Variants in TCF20 observed in about 807,000 individuals in gnomAD.
The protein encoded by TCF20 is transcription factor 20, also known as SPRE-binding protein.
A neutral mutation model predicts 148.6 loss-of-function variants in TCF20; 3 were observed. The ratio of observed to expected loss-of-function variants is 0.02; its 90% CI spans 0.01 to 0.05. The LOEUF is 0.05. Ranked by LOEUF, TCF20 falls within the 10% of genes least tolerant of loss-of-function variation. The pLI is 1.00. For synonymous variants in TCF20, 1,049 were observed against 909.5 expected, an observed-to-expected ratio of 1.15 and a Z score of -2.76; for missense variants, 2,350 against 2,429.3, an observed-to-expected ratio of 0.97 and a Z score of 0.69.
At chr22:42,236,357 C>T (rs1346945983) in intron 1 of TCF20, among the ~76,000 whole-genome samples, 1 of 152,144 alleles carries the variant, frequency 6.6e-6, no homozygotes, top group Non-Finnish European at 1.5e-5. Context: ...AGATCCCACA[C>T]CCTGGGATCT....
chr22:42,189,630 G>A (rs895459623), intron 2 of TCF20, among the ~76,000 whole-genome samples: 2 of 152,198 alleles, frequency 1.3e-5, no homozygotes, highest in East Asian at 1.9e-4. Context: ...TAAGACACGA[G>A]GAAGAGACTA....
At chr22:42,226,980 A>G (rs149734106) in intron 1 of TCF20, among the ~76,000 whole-genome samples, 168 of 152,260 alleles carry the variant, frequency 1.1e-3, no homozygotes, top group African/African-American at 3.9e-3. Flanking sequence ...TCTCAATAGG[A>G]TATTAAAAAA....
chr22:42,310,081 AAGGATGTGT>A (rs1000728882), intron 1 of TCF20, among the ~76,000 whole-genome samples: 11 of 152,336 alleles, frequency 7.2e-5, no homozygotes, highest in African/African-American at 2.6e-4. Context: ...GTGGACTTTG[AAGGATGTGT>A]AGGAGTTTAT....
chr22:42,199,367 A>C (rs1937824564), intron 2 of TCF20, among the ~76,000 whole-genome samples: 2 of 152,064 alleles, frequency 1.3e-5, no homozygotes, highest in African/African-American at 4.8e-5. Context: ...TTCACCATAG[A>C]GTCATGTGGT....
chr22:42,337,631 G>T (rs191603956), intron 1 of TCF20, among the ~76,000 whole-genome samples: 30 of 152,300 alleles, frequency 2.0e-4, no homozygotes, highest in Admixed American at 1.7e-3. Flanking sequence ...TCCTGCATCA[G>T]TCAGGACATT....
upstream of TCF20, among the ~76,000 whole-genome samples, chr22:42,272,787 G>A (rs978762338): frequency 1.3e-5 from 2 of 152,212 alleles, no homozygotes; most frequent in Admixed American, 1.3e-4. Context: ...CCAACAGGAA[G>A]ATGTGGGTTA....
At chr22:42,199,179 T>G (rs1316628518) in intron 2 of TCF20, among the ~76,000 whole-genome samples, 3 of 152,240 alleles carry the variant, frequency 2.0e-5, no homozygotes, top group Admixed American at 6.5e-5. Context: ...GTTATCTTTA[T>G]GTAAATAATA....
intron 1 of TCF20, among the ~76,000 whole-genome samples, chr22:42,294,694 C>T (rs1194019561): frequency 1.3e-5 from 2 of 152,240 alleles, no homozygotes; most frequent in Non-Finnish European, 2.9e-5. Context: ...TTAGGCCTCA[C>T]AGCCAACCAC....
At chr22:42,333,166 C>A (rs1053211040) in intron 1 of TCF20, among the ~76,000 whole-genome samples, 3 of 152,288 alleles carry the variant, frequency 2.0e-5, no homozygotes, top group Non-Finnish European at 4.4e-5. Flanking sequence ...TGTGCAGAGG[C>A]TTTAGAGGAC....
At position 42,215,155 on chromosome 22, in the gene TCF20, T is replaced by C; in HGVS notation, c.151A>G (p.Ser51Gly). The change falls in exon 2 of 6, where the codon AGT (serine) becomes GGT (glycine). Residue 51 changes from serine (S) to glycine (G), a missense_variant. By Grantham distance (56) the Ser-to-Gly change is moderately conservative. Coordinates refer to ENST00000677622, the MANE Select transcript of TCF20 (RefSeq NM_001378418.1). ...CGTCCACCACCACTGCCACTGCCAC[T>C]GCTGCCACTACTGCCACCTGTACCT... ...FGGTGGSSGS[S>G]GSGSGGGRRG... 6.2e-7 allele frequency: 1 copy of C among 1,613,596 alleles called. No homozygotes were observed. The highest frequency in any genetic ancestry group is 8.5e-7 in the Non-Finnish European group (1 of 1,179,680).
rs141881645 is a variant in TCF20, at chr22:42,166,972, C to T, written c.*44+1637G>A. Reference sequence around the variant, plus strand: ...CAGAAACAGTCCTTTCAAAACCACGCAATGCAATGGCTGCCTTGTCCTAAG... The same window carrying T: ...CAGAAACAGTCCTTTCAAAACCACGTAATGCAATGGCTGCCTTGTCCTAAG... On this transcript the variant is annotated intron_variant, in intron 5 of 5. Transcript: ENST00000677622. 4.3e-3 allele frequency among the ~76,000 whole-genome samples: 658 copies of T among 152,304 alleles called. 6 individuals are homozygous for T. The highest frequency in any genetic ancestry group is 0.014 in the African/African-American group (592 of 41,566).
chr22:42,251,294 C>T (rs1305832099), intron 1 of TCF20, among the ~76,000 whole-genome samples: 1 of 152,078 alleles, frequency 6.6e-6, no homozygotes, highest in Non-Finnish European at 1.5e-5. Flanking sequence ...CCAAGAGATC[C>T]TCCCACCTCA....
At chr22:42,319,140 G>A (rs917389654) in intron 1 of TCF20, among the ~76,000 whole-genome samples, 5 of 152,212 alleles carry the variant, frequency 3.3e-5, no homozygotes, top group African/African-American at 1.2e-4. Context: ...GGAGGTATGT[G>A]ACCGTCACAC....
chr22:42,224,629 CA>C (rs1249108739), intron 1 of TCF20, among the ~76,000 whole-genome samples: 3 of 85,440 alleles, frequency 3.5e-5, no homozygotes, highest in Non-Finnish European at 7.7e-5. Flanking sequence ...AACAAAAAAA[CA>C]AAATACCAAC....
intron 1 of TCF20, among the ~76,000 whole-genome samples, chr22:42,321,076 C>T (rs1927723885): frequency 6.6e-6 from 1 of 152,238 alleles, no homozygotes; most frequent in Non-Finnish European, 1.5e-5. Flanking sequence ...CTTACAGTTC[C>T]CCAAGCAACT....
At position 42,224,534 on chromosome 22, in the gene TCF20, C is replaced by CAAAAAAAAAAAAAAAA. The variant is rs66858906; in HGVS notation, c.-36-9209_-36-9194dup. ...TGGTTAGGTTAGGCTAAAGCTGGTA[C>CAAAAAAAAAAAAAAAA]AAAAAAAAAAAAAAAAAAAAAAAAA... On this transcript the variant is annotated intron_variant, in intron 1 of 5. Coordinates refer to ENST00000677622, the MANE Select transcript of TCF20 (RefSeq NM_001378418.1). Among the ~76,000 whole-genome samples, 6 of 39,566 alleles carry CAAAAAAAAAAAAAAAA rather than the reference C, an allele frequency of 1.5e-4. 1 individual carries two copies. The highest frequency in any genetic ancestry group is 1.9e-4 in the Non-Finnish European group (4 of 21,374). 26.0% of individuals were successfully genotyped at this position (39,566 alleles called of 152,430 possible).
intron 1 of TCF20, among the ~76,000 whole-genome samples, chr22:42,283,538 C>G (rs1170221248): frequency 6.6e-6 from 1 of 152,186 alleles, no homozygotes; most frequent in Non-Finnish European, 1.5e-5. Context: ...CGGCCACCCT[C>G]CTGGGCACTG....
intron 1 of TCF20, among the ~76,000 whole-genome samples, chr22:42,254,076 C>CAA (rs528387021): frequency 0.018 from 936 of 53,458 alleles, 7 homozygotes; most frequent in Admixed American, 0.024. Context: ...AACTCCCTTT[C>CAA]AAAAAAAAAA....
In TCF20 at chr22:42,324,004, G is replaced by GTGA. The variant is rs1927806220; in HGVS notation, c.-37+19474_-37+19475insTCA. 2.6e-5 allele frequency among the ~76,000 whole-genome samples: 2 copies of GTGA among 76,920 alleles called. 1 individual carries two copies. The highest frequency in any genetic ancestry group is 1.9e-4 in the African/African-American group (2 of 10,470). The allele number at this position is 76,920 out of a possible 152,430, so 50.5% of individuals were successfully genotyped here. On this transcript the variant is annotated intron_variant, in intron 1 of 1. Transcript: ENST00000515426. The stretch of plus-strand genomic sequence containing the variant: ...GGAGGTTATGGTGGTGGAGGTGGTG[G>GTGA]CGGAGGTTATGGTGGTGGTGGTGGT...
Sources: allele counts gnomAD v4.1 joint callset (sites outside exome capture counted in the v4.1 genomes callset), GRCh38; gene constraint gnomAD v4.1.1; transcripts MANE v1.5; gene names NCBI Gene and HGNC (gene_info 2026-07-23, HGNC 2026-07-21).